The following UNC5D variants were observed in gnomAD, a reference collection of about 807,000 sequenced individuals.
UNC5D encodes the protein netrin receptor UNC5D.
Under a neutral mutation model 105.4 loss-of-function variants are expected in UNC5D, and 39 were observed. That is an observed-to-expected ratio of 0.37 (90% CI 0.29 to 0.48). The LOEUF (loss-of-function observed/expected upper bound fraction) is 0.48, where lower values mean the gene tolerates loss of function less well. Among genes scored for constraint, UNC5D ranks in the 20% least tolerant of loss-of-function variants. The pLI, the probability that UNC5D is intolerant of heterozygous loss-of-function variation, is 0.98. For missense variants in UNC5D, 991 were observed against 1,202.4 expected, an observed-to-expected ratio of 0.82 and a Z score of 2.60; for synonymous variants, 452 against 450.4, an observed-to-expected ratio of 1.00 and a Z score of -0.04.
intron 1 of UNC5D, among the ~76,000 whole-genome samples, chr8:35,499,832 T>C (rs1389574703): frequency 6.6e-6 from 1 of 152,212 alleles, no homozygotes; most frequent in Non-Finnish European, 1.5e-5. Flanking sequence ...GAGCATTGCA[T>C]GATATTGAAA....
chr8:35,784,891 G>C (rs550553705), intron 16 of UNC5D, among the ~76,000 whole-genome samples: 4 of 151,996 alleles, frequency 2.6e-5, no homozygotes, highest in Admixed American at 6.6e-5. Flanking sequence ...ATAACAAAAG[G>C]TTCCCTGGAG....
intron 1 of UNC5D, among the ~76,000 whole-genome samples, chr8:35,406,823 GTT>G (rs1351116659): frequency 7.2e-5 from 11 of 152,070 alleles, no homozygotes; most frequent in Non-Finnish European, 1.5e-4. Flanking sequence ...TAGTTTAGCA[GTT>G]TTGTTTTCCA....
intron 1 of UNC5D, among the ~76,000 whole-genome samples, chr8:35,518,496 T>C (rs1434413972): frequency 6.6e-6 from 1 of 152,200 alleles, no homozygotes; most frequent in African/African-American, 2.4e-5. Flanking sequence ...GTAAATATGA[T>C]GGTAGATAGA....
Position 35,697,193 on chromosome 8 carries a change from TA to T in UNC5D, c.1085-8735del, listed in dbSNP as rs1177220330. On this transcript the variant is annotated intron_variant, in intron 7 of 16. Coordinates refer to ENST00000404895, the MANE Select transcript of UNC5D (RefSeq NM_080872.4). ...GCACATTAAAATAGATACACATATA[TA>T]TACATATAAAGTATGAATATACATT... Among the ~76,000 whole-genome samples the T allele has an allele frequency of 2.0e-5, 3 of 151,904 alleles. No individual in the cohort carries two copies. The East Asian group carries it at 5.8e-4, about 29-fold the overall frequency.
intron 4 of UNC5D, among the ~76,000 whole-genome samples, chr8:35,609,566 C>T (rs1315530057): frequency 1.3e-5 from 2 of 152,186 alleles, no homozygotes; most frequent in Non-Finnish European, 1.5e-5. Flanking sequence ...ATGCCTGTTA[C>T]GTGGTCAGGT....
At chr8:35,679,864 G>A (rs962269531) in intron 4 of UNC5D, among the ~76,000 whole-genome samples, 3 of 152,164 alleles carry the variant, frequency 2.0e-5, no homozygotes, top group African/African-American at 7.2e-5. Context: ...TCTGGAGGCT[G>A]AGAAATCCAA....
intron 7 of UNC5D, among the ~76,000 whole-genome samples, chr8:35,701,778 A>T (rs1827220397): frequency 6.6e-6 from 1 of 151,900 alleles, no homozygotes; most frequent in African/African-American, 2.4e-5. Context: ...TGGCAATTTT[A>T]TGTAGTTTCA....
At chr8:35,370,623 A>G (rs574684661) in intron 1 of UNC5D, among the ~76,000 whole-genome samples, 1 of 152,302 alleles carries the variant, frequency 6.6e-6, no homozygotes, top group East Asian at 1.9e-4. Flanking sequence ...TGTTAGCTAT[A>G]GAAAAAAAAG....
chr8:35,350,959 G>A (rs550994631), intron 1 of UNC5D, among the ~76,000 whole-genome samples: 20 of 152,114 alleles, frequency 1.3e-4, no homozygotes, highest in Admixed American at 9.2e-4. Context: ...GAAAGATTCC[G>A]AAAATATCTA....
chr8:35,300,156 A>G (rs1807824977), intron 1 of UNC5D, among the ~76,000 whole-genome samples: 1 of 151,976 alleles, frequency 6.6e-6, no homozygotes, highest in African/African-American at 2.4e-5. Context: ...GGCCTTTAGG[A>G]AGTAGAGTAG....
intron 1 of UNC5D, among the ~76,000 whole-genome samples, chr8:35,267,869 C>A (rs1037073101): frequency 6.6e-6 from 1 of 151,990 alleles, no homozygotes; most frequent in Non-Finnish European, 1.5e-5. Context: ...GGTTTGCTGA[C>A]CTTTTCTGTG....
chr8:35,306,465 G>A (rs1378206470), intron 1 of UNC5D, among the ~76,000 whole-genome samples: 1 of 152,000 alleles, frequency 6.6e-6, no homozygotes, highest in African/African-American at 2.4e-5. Flanking sequence ...CTGTGGTTTT[G>A]CCTGAATACT....
Position 35,726,637 on chromosome 8 carries a change from G to C in UNC5D, c.1681+108G>C, listed in dbSNP as rs1828894204. 20 of 1,508,556 alleles carry C rather than the reference G, an allele frequency of 1.3e-5. No homozygotes were observed. In the South Asian group the frequency reaches 2.5e-4, roughly 19 times the overall value. The allele number at this position is 1,508,556 out of a possible 1,614,324, so 93.4% of individuals were successfully genotyped here. A position where few individuals can be genotyped will look rare whatever the true frequency, so the allele number is the denominator to read the frequency against. On this transcript the variant is annotated intron_variant, in intron 10 of 16. Transcript: ENST00000404895. ...TATGATGTTTACTCTCCCCTCATCA[G>C]ACCTGCAAACACTGCGGCTCCACTA...
intron 3 of UNC5D, among the ~76,000 whole-genome samples, chr8:35,581,476 G>A (rs965476022): frequency 6.6e-6 from 1 of 152,156 alleles, no homozygotes; most frequent in East Asian, 1.9e-4. Flanking sequence ...GGTGATGGTG[G>A]AGGAAGTGGG....
chr8:35,559,262 T>C (rs1416716455), intron 2 of UNC5D, among the ~76,000 whole-genome samples: 7 of 152,162 alleles, frequency 4.6e-5, no homozygotes, highest in Non-Finnish European at 1.0e-4. Flanking sequence ...CAAAACCTAG[T>C]TAGCTGGTCA....
chr8:35,550,657 A>C (rs1816063787), intron 2 of UNC5D, among the ~76,000 whole-genome samples: 1 of 152,238 alleles, frequency 6.6e-6, no homozygotes, highest in African/African-American at 2.4e-5. Flanking sequence ...TAAGACAAAT[A>C]TGCCCATGAA....
chr8:35,323,870 T>C (rs1312281781), intron 1 of UNC5D, among the ~76,000 whole-genome samples: 1 of 152,102 alleles, frequency 6.6e-6, no homozygotes, highest in East Asian at 1.9e-4. Flanking sequence ...TTCATTTTCG[T>C]TAGGAAAATC....
chr8:35,683,468 C>T (rs1314031325), intron 4 of UNC5D, 79 bp from the exon 5 acceptor site: 22 of 1,436,450 alleles, frequency 1.5e-5, no homozygotes, highest in Non-Finnish European at 2.0e-5. Context: ...TCTCCCACAC[C>T]CGAATCTGCT....
chr8:35,710,334 A>C (rs562197291), intron 8 of UNC5D, among the ~76,000 whole-genome samples: 10 of 152,284 alleles, frequency 6.6e-5, no homozygotes, highest in Non-Finnish European at 1.2e-4. Flanking sequence ...GTTATGGATG[A>C]TTCCAAAATT....
Sources: gnomAD v4.1 joint callset for allele counts (sites outside exome capture counted in the v4.1 genomes callset) on GRCh38, gnomAD v4.1.1 for gene constraint, MANE v1.5 for transcripts, NCBI Gene and HGNC (gene_info 2026-07-23, HGNC 2026-07-21) for gene names.